The following TMEM184B variants were observed in gnomAD, a reference collection of about 807,000 sequenced individuals.
TMEM184B encodes the protein putative MAPK-activating protein FM08.
TMEM184B carries 17 observed loss-of-function variants against 41.8 expected under a neutral mutation model. The observed-to-expected ratio is 0.41, with a 90% CI of 0.28 to 0.61. The LOEUF is 0.61. Ranked by LOEUF, TMEM184B falls within the 20% of genes least tolerant of loss-of-function variation. TMEM184B has a pLI of 0.34. For synonymous variants in TMEM184B, 240 were observed against 229.5 expected (o/e 1.05, Z -0.41); for missense variants, 393 against 557.8 (o/e 0.70, Z 2.98).
In TMEM184B at chr22:38,226,414, G is replaced by A. The variant is rs2091440409; in HGVS notation, c.617+365C>T. ...ACTTTCACTAAGCCCAGAATGAAAT[G>A]GGTGTGGACAATTTACACAGCACGG... On this transcript the variant is annotated intron_variant, in intron 6 of 8. Coordinates refer to ENST00000361906, the MANE Select transcript of TMEM184B (RefSeq NM_012264.5). The surrounding 1 kb of genome is among the most constrained non-coding windows in gnomAD (Gnocchi z 4.6). 4.5e-6 allele frequency: 1 copy of A among 222,116 alleles called. No individual in the cohort carries two copies. Among genetic ancestry groups the A allele is most frequent in the Non-Finnish European group, 9.3e-6 (1 of 107,778 alleles). The allele number at this position is 222,116 out of a possible 1,614,324, so 13.8% of individuals were successfully genotyped here.
chr22:38,221,723 G>T lies in TMEM184B; in HGVS notation c.983-13C>A. On this transcript the variant is annotated splice_polypyrimidine_tract_variant and intron_variant, in intron 8 of 8. Coordinates refer to ENST00000361906, the MANE Select transcript of TMEM184B (RefSeq NM_012264.5). ...GGGGCACAGCGGCCTGCCGGGCAGG[G>T]AGCGGGAGGGGCAGGTGAGGAGGCT... is the stretch of plus-strand genomic sequence containing the variant. 1 of 1,612,726 alleles carries T rather than the reference G, an allele frequency of 6.2e-7. No homozygotes were observed.
In TMEM184B at chr22:38,226,483, C is replaced by CCT. The variant is rs2091443289; in HGVS notation, c.617+294_617+295dup. On this transcript the variant is annotated intron_variant, in intron 6 of 8. Transcript: ENST00000361906. This position sits in a 1 kb window ranked among gnomAD's most constrained non-coding sequence, Gnocchi z 4.6. ...TGAGCCGACCTCTTGGGGCTCTGAC[C>CCT]CTCTCGCTCCCTGCCTCAGCAGTGG... 2 of 349,444 alleles carry CCT rather than the reference C, an allele frequency of 5.7e-6. No homozygotes were observed. Among genetic ancestry groups the CCT allele is most frequent in the South Asian group, 6.4e-5 (2 of 31,370 alleles). 21.6% of individuals were successfully genotyped at this position (349,444 alleles called of 1,614,324 possible).
chr22:38,251,512 T>C (rs1390815977), intron 1 of TMEM184B, among the ~76,000 whole-genome samples: 1 of 152,210 alleles, frequency 6.6e-6, no homozygotes, highest in Non-Finnish European at 1.5e-5. Flanking sequence ...GAGCTCGCCT[T>C]GCTCCCTGGA....
intron 1 of TMEM184B, among the ~76,000 whole-genome samples, chr22:38,253,141 CA>C (rs1282524609): frequency 6.6e-6 from 1 of 152,040 alleles, no homozygotes; most frequent in African/African-American, 2.4e-5. Flanking sequence ...GACGCAGTCT[CA>C]AAAACTAGTA....
At chr22:38,242,928 A>G (rs1292879223) in intron 3 of TMEM184B, among the ~76,000 whole-genome samples, 4 of 151,342 alleles carry the variant, frequency 2.6e-5, no homozygotes, top group South Asian at 2.1e-4. Flanking sequence ...TGGGCGTGGT[A>G]GCACACGCCT....
chr22:38,234,629 G>A (rs980321031), intron 3 of TMEM184B, among the ~76,000 whole-genome samples: 15 of 152,146 alleles, frequency 9.9e-5, no homozygotes, highest in African/African-American at 2.4e-4. Flanking sequence ...GATCACTCAC[G>A]CCTGCATGCA....
intron 1 of TMEM184B, among the ~76,000 whole-genome samples, chr22:38,270,354 C>G (rs996360859): frequency 3.3e-5 from 5 of 152,214 alleles, no homozygotes; most frequent in Admixed American, 3.3e-4. Context: ...AGTGACAGCC[C>G]CCACCACACT....
chr22:38,236,055 A>G (rs1337721610), intron 3 of TMEM184B, among the ~76,000 whole-genome samples: 2 of 152,196 alleles, frequency 1.3e-5, no homozygotes, highest in African/African-American at 4.8e-5. Flanking sequence ...CCAAGTCCAG[A>G]GGGCAGCAAC....
At chr22:38,240,089 G>A (rs1184438903) in intron 3 of TMEM184B, among the ~76,000 whole-genome samples, 2 of 152,046 alleles carry the variant, frequency 1.3e-5, no homozygotes, top group Non-Finnish European at 2.9e-5. Flanking sequence ...TGAGTTGCTG[G>A]TATTTTAAGC....
Position 38,219,607 on chromosome 22 carries a change from C to G in TMEM184B, c.*1862G>C. On this transcript the variant is annotated 3_prime_UTR_variant, in exon 9 of 9. Transcript: ENST00000361906. ...AGCGGTCGGGCACATGTTCCCGTCC[C>G]CACGACCCCACGGACCGCTGATTCC... 1 of 985,476 alleles carries G rather than the reference C, an allele frequency of 1.0e-6. No individual in the cohort carries two copies. Among genetic ancestry groups the G allele is most frequent in the African/African-American group, 1.7e-5 (1 of 57,340 alleles). The allele number at this position is 985,476 out of a possible 1,614,324, so 61.0% of individuals were successfully genotyped here.
At chr22:38,250,883 G>C (rs1418339123) in intron 1 of TMEM184B, among the ~76,000 whole-genome samples, 1 of 152,164 alleles carries the variant, frequency 6.6e-6, no homozygotes, top group East Asian at 1.9e-4. Context: ...TGGCATTCAG[G>C]GCCCCTTCAC....
At chr22:38,250,030 G>C (rs1427346474) in intron 1 of TMEM184B, among the ~76,000 whole-genome samples, 1 of 152,252 alleles carries the variant, frequency 6.6e-6, no homozygotes, top group Non-Finnish European at 1.5e-5. Context: ...AATGAGCTCA[G>C]AGAATGAGCG....
chr22:38,237,309 C>CA (rs778479809), intron 3 of TMEM184B, among the ~76,000 whole-genome samples: 3 of 152,238 alleles, frequency 2.0e-5, no homozygotes, highest in Non-Finnish European at 2.9e-5. Context: ...CTTGCCCTCT[C>CA]ACGTTTCTGC....
intron 1 of TMEM184B, among the ~76,000 whole-genome samples, chr22:38,269,297 T>G (rs1439388843): frequency 6.6e-6 from 1 of 152,204 alleles, no homozygotes; most frequent in African/African-American, 2.4e-5. Context: ...CTCAGCTCAC[T>G]GTAACCTCCG....
intron 1 of TMEM184B, among the ~76,000 whole-genome samples, chr22:38,267,307 G>A (rs960328244): frequency 1.3e-5 from 2 of 152,026 alleles, no homozygotes; most frequent in African/African-American, 4.8e-5. Context: ...AAAAGGAGGT[G>A]TCCACCAAGC....
intron 1 of TMEM184B, among the ~76,000 whole-genome samples, chr22:38,265,429 T>A (rs1280606905): frequency 2.6e-5 from 4 of 152,066 alleles, no homozygotes; most frequent in Admixed American, 2.0e-4. Context: ...GGCTGCAAGC[T>A]CTCCAAGGGC....
downstream of TMEM184B, among the ~76,000 whole-genome samples, chr22:38,217,534 C>T (rs1182034295): frequency 6.7e-6 from 1 of 150,336 alleles, no homozygotes; most frequent in Non-Finnish European, 1.5e-5. Context: ...CCCAGCTACT[C>T]GGGAGGCTGA....
chr22:38,269,681 A>T (rs1277232851), intron 1 of TMEM184B, among the ~76,000 whole-genome samples: 1 of 152,150 alleles, frequency 6.6e-6, no homozygotes, highest in Admixed American at 6.5e-5. Flanking sequence ...TGGGCAACAG[A>T]GCGAGACTCC....
Position 38,220,489 on chromosome 22 carries a change from C to G in TMEM184B, c.*980G>C, listed in dbSNP as rs918999981. ...CCATTCCCCCCACCTCCCAGCTCCC[C>G]ACTGTGTGGCCACCCCTCCCGGTCT... On this transcript the variant is annotated 3_prime_UTR_variant, in exon 9 of 9. Coordinates refer to ENST00000361906, the MANE Select transcript of TMEM184B (RefSeq NM_012264.5). The G allele has an allele frequency of 1.0e-5, 10 of 985,926 alleles. No individual in the cohort carries two copies. Among genetic ancestry groups the G allele is most frequent in the Non-Finnish European group, 1.2e-5 (10 of 830,042 alleles). 61.1% of individuals were successfully genotyped at this position (985,926 alleles called of 1,614,324 possible).
Sources: gnomAD v4.1 joint callset for allele counts (sites outside exome capture counted in the v4.1 genomes callset) on GRCh38, gnomAD v4.1.1 for gene constraint, Gnocchi (gnomAD v3.1) non-coding constraint, MANE v1.5 for transcripts, NCBI Gene and HGNC (gene_info 2026-07-23, HGNC 2026-07-21) for gene names.